The following PDE10A variants were observed in gnomAD, a reference collection of about 807,000 sequenced individuals.
PDE10A encodes phosphodiesterase 10A, also known as cAMP and cAMP-inhibited cGMP 3',5'-cyclic phosphodiesterase 10A.
A neutral mutation model predicts 97.7 loss-of-function variants in PDE10A; 39 were observed. That is an observed-to-expected ratio of 0.40 (90% CI 0.31 to 0.52). The LOEUF (loss-of-function observed/expected upper bound fraction) is 0.52. Among genes scored for constraint, PDE10A ranks in the 20% least tolerant of loss-of-function variants. The pLI, the probability that PDE10A is intolerant of heterozygous loss-of-function variation, is 0.56. For missense variants in PDE10A, 731 were observed against 1,047.8 expected (o/e 0.70, Z 4.17); for synonymous variants, 371 against 376.8 (o/e 0.98, Z 0.18).
At chr6:165,837,685 T>TGGG (rs372862316) in intron 1 of PDE10A, among the ~76,000 whole-genome samples, 1,621 of 86,568 alleles carry the variant, frequency 0.019, 40 homozygotes, top group African/African-American at 0.064. Context: ...TTTTTTTTTT[T>TGGG]GGGGCAGGAG....
chr6:165,492,369 CA>C (rs1780276630), intron 2 of PDE10A, among the ~76,000 whole-genome samples: 1 of 152,142 alleles, frequency 6.6e-6, no homozygotes. Flanking sequence ...AAGCCAGTAT[CA>C]CCCAGATAGC....
Position 165,418,625 on chromosome 6 carries a change from C to G in PDE10A, c.1796+10G>C. The G allele has an allele frequency of 6.2e-7, 1 of 1,610,532 alleles. No homozygotes were observed. Among genetic ancestry groups the G allele is most frequent in the South Asian group, 1.1e-5 (1 of 91,046 alleles). On this transcript the variant is annotated intron_variant, in intron 11 of 21. Coordinates refer to ENST00000539869, the MANE Select transcript of PDE10A (RefSeq NM_001385079.1). This position sits in a 1 kb window ranked among gnomAD's most constrained non-coding sequence, Gnocchi z 4.8. ...CGTAAGAGGATAGGACATTCTACTT[C>G]TAGCTGTACCTTATCTCTTTGGTCT...
At position 165,608,107 on chromosome 6, in the gene PDE10A, T is replaced by C. The variant is rs190409447; in HGVS notation, c.865+53840A>G. On this transcript the variant is annotated intron_variant, in intron 1 of 21. Coordinates refer to ENST00000539869, the MANE Select transcript of PDE10A (RefSeq NM_001385079.1). The stretch of plus-strand genomic sequence containing the variant: ...GTATATATATGTGCATATATATACA[T>C]GTATATATATATATTTTATTATACT... Among the ~76,000 whole-genome samples the C allele has an allele frequency of 2.2e-3, 305 of 139,214 alleles. 4 individuals are homozygous for C. Among genetic ancestry groups the C allele is most frequent in the East Asian group, 8.4e-3 (43 of 5,128 alleles). The allele number at this position is 139,214 out of a possible 152,430, so 91.3% of individuals were successfully genotyped here. A position where few individuals can be genotyped will look rare whatever the true frequency, so the allele number is the denominator to read the frequency against.
chr6:165,561,827 C>T (rs1784537852), intron 1 of PDE10A, among the ~76,000 whole-genome samples: 2 of 152,260 alleles, frequency 1.3e-5, no homozygotes, highest in South Asian at 2.1e-4. Context: ...GACATGAATA[C>T]ATCAGATTTT....
intron 2 of PDE10A, among the ~76,000 whole-genome samples, chr6:165,525,006 G>C (rs1413931381): frequency 6.6e-6 from 1 of 152,114 alleles, no homozygotes. Context: ...GATAAACCCT[G>C]CACTGCTTGA....
rs189642483 is a variant in PDE10A, at chr6:165,469,399, A to T, written c.1023+12916T>A. Among the ~76,000 whole-genome samples the T allele has an allele frequency of 3.3e-4, 50 of 152,342 alleles. No homozygotes were observed. In the East Asian group the frequency reaches 4.6e-3, roughly 14 times the overall value. On this transcript the variant is annotated intron_variant, in intron 3 of 21. Coordinates refer to ENST00000539869, the MANE Select transcript of PDE10A (RefSeq NM_001385079.1). ...CCAACATGCTTAGGAGTGACGCTCC[A>T]CACGGGTTTCTGAGGTTGCTATGGC... is the stretch of plus-strand genomic sequence containing the variant.
intron 3 of PDE10A, among the ~76,000 whole-genome samples, chr6:165,477,172 T>C (rs145457975): frequency 5.3e-5 from 8 of 152,170 alleles, no homozygotes; most frequent in African/African-American, 1.9e-4. Flanking sequence ...TGCCTTGCTA[T>C]GCCTCCAGGG....
At chr6:165,670,111 G>T (rs957598975) in intron 1 of PDE10A, among the ~76,000 whole-genome samples, 1 of 152,228 alleles carries the variant, frequency 6.6e-6, no homozygotes, top group African/African-American at 2.4e-5. Context: ...CACACCAATG[G>T]TGGACGGCTC....
At chr6:165,797,774 G>C (rs1262693708) in intron 1 of PDE10A, among the ~76,000 whole-genome samples, 1 of 152,098 alleles carries the variant, frequency 6.6e-6, no homozygotes, top group Non-Finnish European at 1.5e-5. Flanking sequence ...CCTAATCTTT[G>C]TCTTGAAATG....
intron 15 of PDE10A, among the ~76,000 whole-genome samples, chr6:165,394,879 CCT>C (rs1315194686): frequency 1.3e-5 from 2 of 152,022 alleles, no homozygotes; most frequent in Non-Finnish European, 1.5e-5. Context: ...AGTAGTAACC[CCT>C]GTCTCTTTCA....
chr6:165,459,578 GATAT>G (rs34327523), intron 3 of PDE10A, among the ~76,000 whole-genome samples: 15,625 of 148,942 alleles, frequency 0.1, 965 homozygotes, highest in Middle Eastern at 0.2. Flanking sequence ...GATAATGATA[GATAT>G]ATATATATAT....
At chr6:165,403,311 T>C (rs1786822966) in intron 13 of PDE10A, among the ~76,000 whole-genome samples, 1 of 152,226 alleles carries the variant, frequency 6.6e-6, no homozygotes, top group African/African-American at 2.4e-5. Context: ...TGCACCGAAC[T>C]GGCTTGCAAG....
At chr6:165,412,005 T>C (rs1787888215) in intron 13 of PDE10A, among the ~76,000 whole-genome samples, 1 of 152,036 alleles carries the variant, frequency 6.6e-6, no homozygotes, top group Admixed American at 6.5e-5. Flanking sequence ...TTTTAAGCCA[T>C]AGGTATCTAA....
At chr6:165,765,672 C>T (rs191186698) in intron 1 of PDE10A, among the ~76,000 whole-genome samples, 1 of 152,166 alleles carries the variant, frequency 6.6e-6, no homozygotes, top group African/African-American at 2.4e-5. Context: ...CTCTCCCTCC[C>T]CACCTCCCTG....
chr6:165,349,620 A>T (rs1342344241), intron 18 of PDE10A, among the ~76,000 whole-genome samples: 7 of 152,196 alleles, frequency 4.6e-5, no homozygotes, highest in African/African-American at 1.7e-4. Flanking sequence ...AGTGTTAATC[A>T]CCAAGACAAT....
intron 17 of PDE10A, among the ~76,000 whole-genome samples, chr6:165,381,409 C>T (rs1784914631): frequency 6.6e-6 from 1 of 152,148 alleles, no homozygotes; most frequent in African/African-American, 2.4e-5. Context: ...AGGTCTAACT[C>T]ATTTACTGTC....
chr6:165,752,928 C>T (rs374384385), intron 1 of PDE10A, among the ~76,000 whole-genome samples: 18 of 152,276 alleles, frequency 1.2e-4, no homozygotes, highest in Admixed American at 1.0e-3. Flanking sequence ...ACTTGTCCTT[C>T]GATGCTTTTC....
chr6:165,467,636 A>C (rs1778735442), intron 3 of PDE10A, among the ~76,000 whole-genome samples: 1 of 152,222 alleles, frequency 6.6e-6, no homozygotes. Context: ...CTCCAAAAAA[A>C]ATTCCTTTCA....
intron 1 of PDE10A, among the ~76,000 whole-genome samples, chr6:165,943,240 AAGGAAGGAAGGAAGGAAG>A (rs1783621338): frequency 3.0e-5 from 2 of 65,774 alleles, no homozygotes; most frequent in East Asian, 7.4e-4. Flanking sequence ...AGAAAGAAGG[AAGGAAGGAAGGAAGGAAG>A]GAAGGAAGGA....
Sources: allele counts gnomAD v4.1 joint callset (sites outside exome capture counted in the v4.1 genomes callset), GRCh38; gene constraint gnomAD v4.1.1; non-coding constraint Gnocchi (gnomAD v3.1); transcripts MANE v1.5; gene names NCBI Gene and HGNC (gene_info 2026-07-23, HGNC 2026-07-21).